ZXDA: variants seen among roughly 807,000 people sequenced by gnomAD.
ZXDA encodes zinc finger X-linked protein ZXDA.
ZXDA carries 5 observed loss-of-function variants against 10.1 expected under a neutral mutation model. That is an observed-to-expected ratio of 0.50 (90% CI 0.26 to 1.04). The LOEUF (loss-of-function observed/expected upper bound fraction) is 1.04. Ranked by LOEUF, ZXDA falls within the 50% of genes least tolerant of loss-of-function variation. ZXDA has a pLI of 0.14. For synonymous variants in ZXDA, 266 were observed against 313.1 expected (o/e 0.85, Z 1.59); for missense variants, 501 against 672.4 (o/e 0.75, Z 2.82).
Position 57,908,004 on chromosome X carries a change from G to A in ZXDA, c.*17C>T, listed in dbSNP as rs373802645. ...TAATAAAAGTTAGCCACATGGCAAGGAATGAATAGAGTTGCTTCATACCAA... is the reference window on the plus strand; with the variant it reads ...TAATAAAAGTTAGCCACATGGCAAGAAATGAATAGAGTTGCTTCATACCAA... On this transcript the variant is annotated 3_prime_UTR_variant, in exon 1 of 1. Coordinates refer to ENST00000358697, the MANE Select transcript of ZXDA (RefSeq NM_007156.5). 8.4e-7 allele frequency: 1 copy of A among 1,191,696 alleles called. No individual in the cohort carries two copies. The highest frequency in any genetic ancestry group is 1.1e-6 in the Non-Finnish European group (1 of 885,929).
In ZXDA at chrX:57,909,173, T is replaced by C. The variant is rs749658543; in HGVS notation, c.1248A>G (p.Glu416=). The C allele has an allele frequency of 2.1e-5, 26 of 1,211,404 alleles. No homozygotes were observed. Among genetic ancestry groups the C allele is most frequent in the Non-Finnish European group, 2.9e-5 (26 of 895,363 alleles). Residue 416 remains glutamate, a synonymous_variant, in exon 1 of 1, where the codon GAA becomes GAG. Transcript: ENST00000358697. ...GGAAAGAGCAGGAAAACAGTTCCTG[T>C]TCCCTGAAATGGGCGCGGTTATGGG... The part of the protein sequence containing the change: ...LFSHNRAHFR[E]QELFSCSFPG...
Position 57,906,657 on chromosome X carries a change from T to TAC in ZXDA, c.*1362_*1363dup, listed in dbSNP as rs199969464. ...GAAATATTTCCTCTTTGTTTTGAGC[T>TAC]ACACACACACACACACACACACACA... On this transcript the variant is annotated 3_prime_UTR_variant, in exon 1 of 1. Transcript: ENST00000358697. The TAC allele has an allele frequency of 0.24, 23,802 of 98,481 alleles. 2,468 individuals are homozygous for TAC. Among genetic ancestry groups the TAC allele is most frequent in the Middle Eastern group, 0.51 (96 of 190 alleles). The allele number at this position is 98,481 out of a possible 1,213,427, so 8.1% of individuals were successfully genotyped here. A position where few individuals can be genotyped will look rare whatever the true frequency, so the allele number is the denominator to read the frequency against.
rs1479766632 is a variant in ZXDA at position 57,907,297 on chromosome X, G to A, written c.*724C>T. On this transcript the variant is annotated 3_prime_UTR_variant, in exon 1 of 1. Coordinates refer to ENST00000358697, the MANE Select transcript of ZXDA (RefSeq NM_007156.5). ...ACAACCTACTGGGGTAGAAAAATAA[G>A]TCTAGGATGTAACACATATGTTCAC... The A allele has an allele frequency of 1.8e-5, 2 of 112,182 alleles. No individual in the cohort carries two copies. Among genetic ancestry groups the A allele is most frequent in the African/African-American group, 6.5e-5 (2 of 30,771 alleles). 9.2% of individuals were successfully genotyped at this position (112,182 alleles called of 1,213,427 possible). A position where few individuals can be genotyped will look rare whatever the true frequency, so the allele number is the denominator to read the frequency against.
rs1334462485 is a variant in ZXDA, at chrX:57,905,837, C to G, written c.*2184G>C. ...CTAAGGGATTAAGGAAACAATGTGA[C>G]AGAGTTTTAAGATATCTATATAGTT... is the stretch of plus-strand genomic sequence containing the variant. On this transcript the variant is annotated 3_prime_UTR_variant, in exon 1 of 1. Coordinates refer to ENST00000358697, the MANE Select transcript of ZXDA (RefSeq NM_007156.5). 1.8e-5 allele frequency among the ~76,000 whole-genome samples: 2 copies of G among 111,710 alleles called. No homozygotes were observed. Among genetic ancestry groups the G allele is most frequent in the Non-Finnish European group, 3.8e-5 (2 of 53,113 alleles).
In ZXDA at chrX:57,910,221, C is replaced by G. The variant is rs761829239; in HGVS notation, c.200G>C (p.Arg67Pro). Residue 67 changes from arginine (R) to proline (P), a missense_variant, in exon 1 of 1, where the codon CGG (arginine) becomes CCG (proline). Physicochemically the swap from Arg to Pro is moderately radical, Grantham distance 103. Transcript: ENST00000358697. ...RRREEASTAS[R>P]GPGPSLFAPR... is the part of the protein sequence containing the mutation. Reference sequence around the variant, plus strand: ...CGCGAACAGGCTTGGGCCAGGGCCCCGTGATGCCGTGCTGGCCTCCTCGCG... The same window carrying G: ...CGCGAACAGGCTTGGGCCAGGGCCCGGTGATGCCGTGCTGGCCTCCTCGCG... 2.0e-5 allele frequency: 24 copies of G among 1,184,990 alleles called. No homozygotes were observed. Among genetic ancestry groups the G allele is most frequent in the Middle Eastern group, 3.3e-4 (1 of 3,070 alleles).
At position 57,908,954 on chromosome X, in the gene ZXDA, T is replaced by G. The variant is rs1417621666; in HGVS notation, c.1467A>C (p.Lys489Asn). 3 of 1,209,493 alleles carry G rather than the reference T, an allele frequency of 2.5e-6. No individual in the cohort carries two copies. The highest frequency in any genetic ancestry group is 3.4e-6 in the Non-Finnish European group (3 of 895,136). The change falls in exon 1 of 1, where the codon AAA becomes AAC. Residue 489 changes from lysine to asparagine, a missense_variant. Physicochemically the swap from Lys to Asn is moderately conservative, Grantham distance 94 (BLOSUM62 0). Transcript: ENST00000358697. Reference sequence around the variant, plus strand: ...TCAGATGTTCGGCCCTCGTGAAAGATTTCCCACAGCCTTCCACAGGGCACA... The same window carrying G: ...TCAGATGTTCGGCCCTCGTGAAAGAGTTCCCACAGCCTTCCACAGGGCACA... ...RFMCPVEGCG[K>N]SFTRAEHLKG... is the part of the protein sequence containing the mutation.
At position 57,910,218 on chromosome X, in the gene ZXDA, C is replaced by T. The variant is rs751543073; in HGVS notation, c.203G>A (p.Gly68Asp). The change falls in exon 1 of 1, where the codon GGC (glycine) becomes GAC (aspartate). Residue 68 changes from glycine (G) to aspartate (D), a missense_variant. This residue lies in a region of ZXDA where 251 missense variants were observed against 221.6 expected (regional missense o/e 1.13). Coordinates refer to ENST00000358697, the MANE Select transcript of ZXDA (RefSeq NM_007156.5). Reference protein sequence around the residue: ...RREEASTASRGPGPSLFAPRP... With the variant: ...RREEASTASRDPGPSLFAPRP... ...CGGCGCGAACAGGCTTGGGCCAGGGCCCCGTGATGCCGTGCTGGCCTCCTC... is the reference window on the plus strand; with the variant it reads ...CGGCGCGAACAGGCTTGGGCCAGGGTCCCGTGATGCCGTGCTGGCCTCCTC... The T allele has an allele frequency of 6.7e-6, 8 of 1,186,352 alleles. No homozygotes were observed. The highest frequency in any genetic ancestry group is 9.0e-6 in the Non-Finnish European group (8 of 887,678).
Position 57,910,025 on chromosome X carries a change from G to C in ZXDA, c.396C>G (p.Pro132=). The change falls in exon 1 of 1, where the codon CCC becomes CCG. Residue 132 remains proline, a synonymous_variant. Transcript: ENST00000358697. The stretch of plus-strand genomic sequence containing the variant: ...GGGGGCCCTGCGCAGAGCAGCCCGC[G>C]GGGTTCGCGCCGCTCTCGTCCCCCT... ...GLQGDESGAN[P]AGCSAQGPHC... The C allele has an allele frequency of 8.9e-7, 1 of 1,126,234 alleles. No individual in the cohort carries two copies. The highest frequency in any genetic ancestry group is 1.2e-6 in the Non-Finnish European group (1 of 859,989). The allele number at this position is 1,126,234 out of a possible 1,213,427, so 92.8% of individuals were successfully genotyped here. A position where few individuals can be genotyped will look rare whatever the true frequency, so the allele number is the denominator to read the frequency against.
Position 57,910,080 on chromosome X carries a change from C to G in ZXDA, c.341G>C (p.Arg114Thr), listed in dbSNP as rs760319324. The part of the protein sequence containing the change: ...GSGQAAGPVL[R>T]EEAKAGPGLQ... ...CCCCGGGCCCGCCTTGGCCTCCTCC[C>G]TCAACACAGGCCCTGCGGCCTGACC... Residue 114 changes from arginine to threonine, a missense_variant, in exon 1 of 1, where the codon AGG becomes ACG. Arg to Thr is a moderately conservative substitution (Grantham distance 71, BLOSUM62 -1). Transcript: ENST00000358697. 10 of 1,187,742 alleles carry G rather than the reference C, an allele frequency of 8.4e-6. No individual in the cohort carries two copies. The highest frequency in any genetic ancestry group is 1.1e-5 in the Non-Finnish European group (10 of 889,206).
chrX:57,910,081 T>A lies in ZXDA; in HGVS notation c.340A>T (p.Arg114Trp). The stretch of plus-strand genomic sequence containing the variant: ...CCCGGGCCCGCCTTGGCCTCCTCCC[T>A]CAACACAGGCCCTGCGGCCTGACCG... ...GSGQAAGPVL[R>W]EEAKAGPGLQ... Residue 114 changes from arginine (R) to tryptophan (W), a missense_variant, in exon 1 of 1, where the codon AGG (arginine) becomes TGG (tryptophan). Physicochemically the swap from Arg to Trp is moderately radical, Grantham distance 101. Coordinates refer to ENST00000358697, the MANE Select transcript of ZXDA (RefSeq NM_007156.5). The A allele has an allele frequency of 8.4e-7, 1 of 1,189,570 alleles. No homozygotes were observed. Among genetic ancestry groups the A allele is most frequent in the East Asian group, 3.1e-5 (1 of 32,081 alleles).
Position 57,908,862 on chromosome X carries a change from C to T in ZXDA, c.1559G>A (p.Arg520Lys), listed in dbSNP as rs1244891735. 5 of 1,207,993 alleles carry T rather than the reference C, an allele frequency of 4.1e-6. No individual in the cohort carries two copies. In the African/African-American group the frequency reaches 8.8e-5, roughly 21 times the overall value. Residue 520 changes from arginine to lysine, a missense_variant, in exon 1 of 1, where the codon AGG becomes AAG. Around this residue, in one of 5 missense-constraint regions of ZXDA, gnomAD observed 171 missense variants for 262.7 expected, o/e 0.65. Coordinates refer to ENST00000358697, the MANE Select transcript of ZXDA (RefSeq NM_007156.5). The stretch of plus-strand genomic sequence containing the variant: ...GTAGAGGCTACTGCGAGCAGAGAAC[C>T]TGGCACAGCAGCCTGCCACAGGACA... ...FVCPVAGCCARFSARSSLYIH... is the reference protein window; with the variant it reads ...FVCPVAGCCAKFSARSSLYIH...
In ZXDA at chrX:57,909,419, C is replaced by A; in HGVS notation, c.1002G>T (p.Ala334=). 8.3e-7 allele frequency: 1 copy of A among 1,211,927 alleles called. No individual in the cohort carries two copies. Among genetic ancestry groups the A allele is most frequent in the Non-Finnish European group, 1.1e-6 (1 of 895,573 alleles). ...HDKLRPFGCP[A]EGCGKSFTTV... ...TGGTGAAGCTCTTGCCACAGCCCTC[C>A]GCAGGGCAGCCGAAGGGCCGCAGTT... Residue 334 remains alanine (A), a synonymous_variant, in exon 1 of 1, where the codon GCG becomes GCT. Transcript: ENST00000358697.
rs911602346 is a variant in ZXDA, at chrX:57,907,030, A to G, written c.*991T>C. ...TTGAATGCAGACCGAAGATACTATC[A>G]AATTGGTCTAATGGACATGTGGCCA... On this transcript the variant is annotated 3_prime_UTR_variant, in exon 1 of 1. Transcript: ENST00000358697. The G allele has an allele frequency of 2.4e-4, 27 of 112,784 alleles. No homozygotes were observed. The highest frequency in any genetic ancestry group is 8.7e-4 in the African/African-American group (27 of 30,915). 9.3% of individuals were successfully genotyped at this position (112,784 alleles called of 1,213,427 possible).
Position 57,909,773 on chromosome X carries a change from G to A in ZXDA, c.648C>T (p.His216=), listed in dbSNP as rs1369659093. ...APQAGFPQAA[H]PGDCPELRSD... ...ACCGCAGCTCTGGGCAGTCACCCGG[G>A]TGCGCGGCTTGCGGGAACCCAGCTT... is the stretch of plus-strand genomic sequence containing the variant. Residue 216 remains histidine, a synonymous_variant, in exon 1 of 1, where the codon CAC becomes CAT. Coordinates refer to ENST00000358697, the MANE Select transcript of ZXDA (RefSeq NM_007156.5). The A allele has an allele frequency of 8.3e-7, 1 of 1,198,414 alleles. No homozygotes were observed. The highest frequency in any genetic ancestry group is 1.1e-6 in the Non-Finnish European group (1 of 889,871).
chrX:57,910,153 G>A lies in ZXDA; in HGVS notation c.268C>T (p.Leu90=). The A allele has an allele frequency of 8.3e-7, 1 of 1,202,225 alleles. No individual in the cohort carries two copies. Among genetic ancestry groups the A allele is most frequent in the South Asian group, 1.8e-5 (1 of 56,645 alleles). ...CCACCCACCGGGTCAAGCAGCACCAGGAAGAAGTCGTCGCCGCCGCCGCTA... is the reference window on the plus strand; with the variant it reads ...CCACCCACCGGGTCAAGCAGCACCAAGAAGAAGTCGTCGCCGCCGCCGCTA... The part of the protein sequence containing the change: ...QPSGGGDDFF[L]VLLDPVGGDV... The change falls in exon 1 of 1, where the codon CTG becomes TTG. Residue 90 remains leucine, a synonymous_variant. Transcript: ENST00000358697.
Position 57,909,278 on chromosome X carries a change from G to A in ZXDA, c.1143C>T (p.Ser381=), listed in dbSNP as rs749496430. 1 of 1,210,565 alleles carries A rather than the reference G, an allele frequency of 8.3e-7. No individual in the cohort carries two copies. The highest frequency in any genetic ancestry group is 1.7e-5 in the African/African-American group (1 of 57,331). ...TQAKLGAHQR[S]HFEPERPYQC... is the part of the protein sequence containing the mutation. The stretch of plus-strand genomic sequence containing the variant: ...GGTAAGGCCTCTCGGGTTCGAAGTG[G>A]CTGCGCTGGTGGGCGCCGAGTTTGG... The change falls in exon 1 of 1, where the codon AGC becomes AGT. Residue 381 remains serine, a synonymous_variant. Coordinates refer to ENST00000358697, the MANE Select transcript of ZXDA (RefSeq NM_007156.5).
chrX:57,909,009 T>C lies in ZXDA; in HGVS notation c.1412A>G (p.Lys471Arg), dbSNP rs1487475376. The C allele has an allele frequency of 4.1e-6, 5 of 1,209,719 alleles. No individual in the cohort carries two copies. Among genetic ancestry groups the C allele is most frequent in the Non-Finnish European group, 5.6e-6 (5 of 895,194 alleles). ...CCTCCGGTCATCGTCGTGCTTCCTT[T>C]TGTGCCTTAAGAGTTTGGACATGCT... Reference protein sequence around the residue: ...FTSMSKLLRHKRKHDDDRRFM... With the variant: ...FTSMSKLLRHRRKHDDDRRFM... The change falls in exon 1 of 1, where the codon AAA (lysine) becomes AGA (arginine). Residue 471 changes from lysine (K) to arginine (R), a missense_variant. Physicochemically the swap from Lys to Arg is conservative, Grantham distance 26. Coordinates refer to ENST00000358697, the MANE Select transcript of ZXDA (RefSeq NM_007156.5).
rs920371916 is a variant in ZXDA at position 57,906,338 on chromosome X, T to C, written c.*1683A>G. On this transcript the variant is annotated 3_prime_UTR_variant, in exon 1 of 1. Transcript: ENST00000358697. ...TGTCTCCATTATTATCTGATTCATG[T>C]ATAAACACATTGCCATCTAAATCCA... 1.8e-5 allele frequency among the ~76,000 whole-genome samples: 2 copies of C among 112,409 alleles called. No individual in the cohort carries two copies. Among genetic ancestry groups the C allele is most frequent in the African/African-American group, 6.5e-5 (2 of 30,979 alleles).
At position 57,909,325 on chromosome X, in the gene ZXDA, C is replaced by A. The variant is rs1216633923; in HGVS notation, c.1096G>T (p.Glu366Ter). 3.3e-6 allele frequency: 4 copies of A among 1,210,410 alleles called. No homozygotes were observed. The highest frequency in any genetic ancestry group is 4.5e-6 in the Non-Finnish European group (4 of 895,336). ...QENSFKCEVCEESFPTQAKLG... is the reference protein window; with the variant it reads ...QENSFKCEVC ...TTGGCCTGCGTGGGGAAGCTCTCCT[C>A]GCACACCTCACATTTGAACGAGTTC... The change falls in exon 1 of 1, where the codon GAG (glutamate) becomes TAG (stop). Residue 366 changes from glutamate to a stop codon, truncating the protein, a stop_gained. Transcript: ENST00000358697. LOFTEE classifies it high-confidence loss of function.
Sources: gnomAD v4.1 joint callset for allele counts (sites outside exome capture counted in the v4.1 genomes callset) on GRCh38, gnomAD v4.1.1 for gene constraint, gnomAD v4.1.1 regional missense constraint, MANE v1.5 for transcripts, NCBI Gene and HGNC (gene_info 2026-07-23, HGNC 2026-07-21) for gene names.